The following HOXA3 variants were observed in gnomAD, a reference collection of about 807,000 sequenced individuals.
HOXA3 encodes homeobox A3.
In HOXA3, 8 loss-of-function variants were observed where a neutral mutation model predicts 30.3. That is an observed-to-expected ratio of 0.26 (90% CI 0.15 to 0.48). HOXA3 has a LOEUF of 0.48. Among genes scored for constraint, HOXA3 ranks in the 20% least tolerant of loss-of-function variants. The pLI, the probability that HOXA3 is intolerant of heterozygous loss-of-function variation, is 0.99. For missense variants in HOXA3, 653 were observed against 614.4 expected (o/e 1.06, Z -0.66); for synonymous variants, 323 against 273.1 (o/e 1.18, Z -1.80).
At chr7:27,131,106 A>G (rs946465529) in intron 2 of HOXA3, among the ~76,000 whole-genome samples, 4 of 152,028 alleles carry the variant, frequency 2.6e-5, no homozygotes, top group Non-Finnish European at 4.4e-5. Context: ...CCCGCTGGGA[A>G]TTCAGGCCCT....
At chr7:27,143,753 C>G (rs1203531406) in intron 1 of HOXA3, 1 of 1,391,368 alleles carries the variant, frequency 7.2e-7, no homozygotes, top group African/African-American at 1.5e-5. Flanking sequence ...TGGGGTACGA[C>G]TTCGAATCAC....
At chr7:27,149,941 C>T (rs548488434) in intron 1 of HOXA3, 3 of 152,084 alleles carry the variant, frequency 2.0e-5, no homozygotes, top group Admixed American at 6.5e-5. Flanking sequence ...AGTGGTGGGT[C>T]AGTGTCAATT....
rs958617687 is a variant in HOXA3 at position 27,142,725 on chromosome 7, C to T, written c.-493-2539G>A. 7 of 355,054 alleles carry T rather than the reference C, an allele frequency of 2.0e-5. No homozygotes were observed. In the Admixed American group the frequency reaches 2.8e-4, roughly 14 times the overall value. 22.0% of individuals were successfully genotyped at this position (355,054 alleles called of 1,614,324 possible). ...TCACGGCTGCTACAGCCATCCTCTA[C>T]CTCTCTGCGCCTTGCTCGGCTGGCC... On this transcript the variant is annotated intron_variant, in intron 1 of 5. Coordinates refer to ENST00000612286, the MANE Select transcript of HOXA3 (RefSeq NM_153631.3).
intron 1 of HOXA3, chr7:27,142,743 G>T: frequency 5.2e-6 from 2 of 386,140 alleles, no homozygotes; most frequent in Non-Finnish European, 9.2e-6. Context: ...CGCCTTGCTC[G>T]GCTGGCCTGA....
chr7:27,141,601 C>A, intron 1 of HOXA3: 3 of 390,784 alleles, frequency 7.7e-6, no homozygotes, highest in Admixed American at 4.2e-5. Flanking sequence ...TAAGTTAAAA[C>A]ATCTATTTTT....
chr7:27,136,030 C>T (rs1197032806), intron 2 of HOXA3, among the ~76,000 whole-genome samples: 1 of 152,232 alleles, frequency 6.6e-6, no homozygotes, highest in Non-Finnish European at 1.5e-5. Flanking sequence ...ACACGCGTCA[C>T]TCTGAGCCAT....
At position 27,107,999 on chromosome 7, in the gene HOXA3, C is replaced by G. The variant is rs780452042; in HGVS notation, c.1248G>C (p.Glu416Asp). 31 of 1,611,972 alleles carry G rather than the reference C, an allele frequency of 1.9e-5. No individual in the cohort carries two copies. Among genetic ancestry groups the G allele is most frequent in the Non-Finnish European group, 2.4e-5 (28 of 1,178,610 alleles). The change falls in exon 6 of 6, where the codon GAG becomes GAC. Residue 416 changes from glutamate (E) to aspartate (D), a missense_variant. By Grantham distance (45) the Glu-to-Asp change is conservative (BLOSUM62 2). Around this residue, in one of 3 missense-constraint regions of HOXA3, gnomAD observed 330 missense variants for 274.4 expected, o/e 1.20. Transcript: ENST00000612286. ...TAAGGTCCGTGTAGGTGGGGTGCGG[C>G]TCCCCAGGCCCCGGCCCGTGGTGGT... ...SGHHHGPGPG[E>D]PHPTYTDLTG...
chr7:27,118,190 C>T (rs568671018), intron 4 of HOXA3, among the ~76,000 whole-genome samples: 11 of 152,314 alleles, frequency 7.2e-5, no homozygotes, highest in African/African-American at 2.6e-4. Flanking sequence ...CGACTTCCAT[C>T]GGCTAGCTCG....
At chr7:27,130,344 C>T (rs977484319) in intron 2 of HOXA3, 7 of 1,119,720 alleles carry the variant, frequency 6.3e-6, no homozygotes, top group African/African-American at 1.7e-5. Context: ...GGCTCGCATG[C>T]AGGCCGTGCG....
intron 3 of HOXA3, among the ~76,000 whole-genome samples, chr7:27,125,331 CTT>C (rs1279799750): frequency 6.6e-6 from 1 of 152,216 alleles, no homozygotes; most frequent in African/African-American, 2.4e-5. Flanking sequence ...TTTGGACAGT[CTT>C]TCAATCTGGG....
At chr7:27,117,709 T>C (rs1583382244) in intron 4 of HOXA3, among the ~76,000 whole-genome samples, 1 of 152,156 alleles carries the variant, frequency 6.6e-6, no homozygotes, top group Non-Finnish European at 1.5e-5. Context: ...CTCCATCCCC[T>C]GCCTGAAAAC....
intron 1 of HOXA3, among the ~76,000 whole-genome samples, chr7:27,147,971 C>CCCGCCCGCCCG (rs941615475): frequency 1.3e-5 from 2 of 152,208 alleles, no homozygotes; most frequent in African/African-American, 2.4e-5. Context: ...CAGCCCCCAG[C>CCCGCCCGCCCG]CCGCCCGCCC....
intron 1 of HOXA3, chr7:27,145,408 G>A: frequency 1.7e-6 from 1 of 585,584 alleles, no homozygotes; most frequent in Non-Finnish European, 3.0e-6. Context: ...GGTGTGTGCA[G>A]TGCGCCCCGC....
At chr7:27,112,474 G>A (rs914493396) in intron 4 of HOXA3, among the ~76,000 whole-genome samples, 1 of 152,098 alleles carries the variant, frequency 6.6e-6, no homozygotes, top group African/African-American at 2.4e-5. Flanking sequence ...CCAGAACCTC[G>A]ATTAAAAATT....
chr7:27,122,835 A>G (rs949198924), intron 3 of HOXA3, 193 bp from the exon 4 acceptor site: 1 of 152,184 alleles, frequency 6.6e-6, no homozygotes, highest in Admixed American at 6.5e-5. Flanking sequence ...AATGGTCCGA[A>G]GATGGTGATT....
In HOXA3 at chr7:27,110,392, T is replaced by C. The variant is rs1457027532; in HGVS notation, c.249A>G (p.Pro83=). 1 of 1,528,670 alleles carries C rather than the reference T, an allele frequency of 6.5e-7. No individual in the cohort carries two copies. Among genetic ancestry groups the C allele is most frequent in the Non-Finnish European group, 8.8e-7 (1 of 1,141,386 alleles). The allele number at this position is 1,528,670 out of a possible 1,614,324, so 94.7% of individuals were successfully genotyped here. Residue 83 remains proline, a synonymous_variant, in exon 5 of 6, where the codon CCA becomes CCG. Coordinates refer to ENST00000612286, the MANE Select transcript of HOXA3 (RefSeq NM_153631.3). The part of the protein sequence containing the change: ...RTLSAPPSQP[P]SLGEPPLHPP... ...GGTGCAGGGGCGGCTCTCCCAGGCT[T>C]GGAGGCTGGCTAGGTGGGGCGCTCA...
chr7:27,136,051 G>C (rs536222485), intron 2 of HOXA3, among the ~76,000 whole-genome samples: 1 of 152,322 alleles, frequency 6.6e-6, no homozygotes, highest in South Asian at 2.1e-4. Flanking sequence ...TTTATCTTTT[G>C]TGCTGATAGT....
intron 1 of HOXA3, chr7:27,141,827 T>G (rs1436920804): frequency 2.0e-5 from 32 of 1,613,440 alleles, no homozygotes; most frequent in Non-Finnish European, 2.5e-5. Context: ...CTTTAAACGC[T>G]CAGATACTCA....
intron 3 of HOXA3, chr7:27,124,516 C>CCGT (rs1389381745): frequency 1.3e-5 from 2 of 152,230 alleles, no homozygotes; most frequent in Non-Finnish European, 2.9e-5. Flanking sequence ...CCTGCCAGCT[C>CCGT]CGTCCTCCCT....
Sources: gnomAD v4.1 joint callset for allele counts (sites outside exome capture counted in the v4.1 genomes callset) on GRCh38, gnomAD v4.1.1 for gene constraint, gnomAD v4.1.1 regional missense constraint, MANE v1.5 for transcripts, NCBI Gene and HGNC (gene_info 2026-07-23, HGNC 2026-07-21) for gene names.